LDAF1: variants seen among roughly 807,000 people sequenced by gnomAD.
The protein encoded by LDAF1 is lipid droplet assembly factor 1.
In LDAF1, 7 loss-of-function variants were observed where a neutral mutation model predicts 13.5. The ratio of observed to expected loss-of-function variants is 0.52; its 90% CI spans 0.29 to 0.97. The LOEUF is 0.97. LDAF1 is among the 50% of genes least tolerant of loss of function. The pLI is 0.07. For missense variants in LDAF1, 148 were observed against 193.2 expected, an observed-to-expected ratio of 0.77 and a Z score of 1.39; for synonymous variants, 69 against 77.1, an observed-to-expected ratio of 0.89 and a Z score of 0.55.
chr16:21,170,167 T>C, intron 2 of LDAF1: 1 of 268,922 alleles, frequency 3.7e-6, no homozygotes, highest in Non-Finnish European at 5.7e-6. Context: ...CGTGCCTGGC[T>C]AATTTTGTAT....
At chr16:21,173,918 A>G in intron 3 of LDAF1, 92 bp from the exon 4 acceptor site, 1 of 1,251,590 alleles carries the variant, frequency 8.0e-7, no homozygotes, top group East Asian at 2.6e-5. Context: ...AATCTGAGTT[A>G]GCGGTTGTTA....
intron 2 of LDAF1, among the ~76,000 whole-genome samples, chr16:21,161,506 G>C (rs558330577): frequency 1.3e-5 from 2 of 152,308 alleles, no homozygotes; most frequent in South Asian, 2.1e-4. Flanking sequence ...ATTTGAGGAG[G>C]GGGGAAGAGA....
intron 4 of LDAF1, 89 bp downstream of exon 4, chr16:21,174,237 T>G (rs1358272690): frequency 8.1e-7 from 1 of 1,237,598 alleles, no homozygotes. Context: ...TCACTCAGGC[T>G]GGAGTGCAGT....
At chr16:21,173,845 C>T (rs2152848885) in intron 3 of LDAF1, among the ~76,000 whole-genome samples, 165 bp from the exon 4 acceptor site, 1 of 152,248 alleles carries the variant, frequency 6.6e-6, no homozygotes, top group East Asian at 1.9e-4. Flanking sequence ...GTACCCATAT[C>T]GCCTCCTTTT....
intron 4 of LDAF1, 128 bp from the exon 5 acceptor site, chr16:21,179,347 G>A: frequency 6.4e-7 from 1 of 1,568,610 alleles, no homozygotes; most frequent in Non-Finnish European, 8.6e-7. Flanking sequence ...ATGGACATAG[G>A]CCTGGTGTGG....
chr16:21,171,215 C>T (rs2093085376), intron 3 of LDAF1, among the ~76,000 whole-genome samples: 2 of 152,188 alleles, frequency 1.3e-5, no homozygotes, highest in Admixed American at 1.3e-4. Context: ...TCAACTTCTC[C>T]CTGTATTCCT....
At chr16:21,172,735 T>G (rs1301809945) in intron 3 of LDAF1, 4 of 551,302 alleles carry the variant, frequency 7.3e-6, no homozygotes, top group Non-Finnish European at 6.9e-6. Flanking sequence ...TTTCACGAGC[T>G]TCCTTGATGC....
chr16:21,168,350 G>A lies in LDAF1; in HGVS notation c.97-2087G>A, dbSNP rs539125529. Among the ~76,000 whole-genome samples the A allele has an allele frequency of 3.1e-3, 469 of 152,058 alleles. 3 individuals are homozygous for A. Among genetic ancestry groups the A allele is most frequent in the Non-Finnish European group, 4.4e-3 (300 of 67,978 alleles). ...TTTAATGCTGAGATTTTGCCACTTG[G>A]AGGCTGTGCGACTCTAGACAAGTGA... is the stretch of plus-strand genomic sequence containing the variant. On this transcript the variant is annotated intron_variant, in intron 2 of 4. Coordinates refer to ENST00000233047, the MANE Select transcript of LDAF1 (RefSeq NM_001301771.2).
chr16:21,167,121 G>A (rs1328116064), intron 2 of LDAF1, among the ~76,000 whole-genome samples: 1 of 152,198 alleles, frequency 6.6e-6, no homozygotes, highest in East Asian at 1.9e-4. Flanking sequence ...TGGCTTCTTG[G>A]CATGGCCTCT....
At chr16:21,178,719 C>T (rs1250755001) in intron 4 of LDAF1, 1 of 152,240 alleles carries the variant, frequency 6.6e-6, no homozygotes, top group African/African-American at 2.4e-5. Flanking sequence ...CCCAGGACCT[C>T]TCACCACTAT....
chr16:21,163,353 A>G (rs538408736), intron 2 of LDAF1, among the ~76,000 whole-genome samples: 2 of 152,150 alleles, frequency 1.3e-5, no homozygotes, highest in South Asian at 4.2e-4. Flanking sequence ...AATGACCTCA[A>G]AAGCACTGCA....
intron 2 of LDAF1, among the ~76,000 whole-genome samples, chr16:21,165,184 G>A (rs2280765): frequency 0.45 from 68,850 of 152,046 alleles, 15,897 homozygotes; most frequent in East Asian, 0.69. Flanking sequence ...AGAATGGCGG[G>A]GCATGGTGGC....
chr16:21,173,856 T>C (rs970528565), intron 3 of LDAF1, among the ~76,000 whole-genome samples, 154 bp from the exon 4 acceptor site: 3 of 152,206 alleles, frequency 2.0e-5, no homozygotes, highest in African/African-American at 7.2e-5. Flanking sequence ...GCCTCCTTTT[T>C]TTAAGTGATG....
At chr16:21,165,920 C>T (rs1264494171) in intron 2 of LDAF1, among the ~76,000 whole-genome samples, 1 of 152,076 alleles carries the variant, frequency 6.6e-6, no homozygotes, top group Non-Finnish European at 1.5e-5. Context: ...AGTACAGTGG[C>T]GTGATCTCGG....
chr16:21,160,977 G>A, intron 1 of LDAF1, 108 bp from the exon 2 acceptor site: 1 of 1,317,674 alleles, frequency 7.6e-7, no homozygotes, highest in Non-Finnish European at 9.7e-7. Context: ...AATATTGCCA[G>A]GTTACCCTCC....
chr16:21,170,483 A>T lies in LDAF1; in HGVS notation c.143A>T (p.His48Leu), dbSNP rs777720060. 6.2e-7 allele frequency: 1 copy of T among 1,613,962 alleles called. No individual in the cohort carries two copies. The highest frequency in any genetic ancestry group is 1.3e-5 in the African/African-American group (1 of 74,856). Residue 48 changes from histidine to leucine, a missense_variant, in exon 3 of 5, where the codon CAT (histidine) becomes CTT (leucine). Physicochemically the swap from His to Leu is moderately conservative, Grantham distance 99 (BLOSUM62 -3). Coordinates refer to ENST00000233047, the MANE Select transcript of LDAF1 (RefSeq NM_001301771.2). The stretch of plus-strand genomic sequence containing the variant: ...CCAGTGGGTCAGTACTTGGACAGCC[A>T]TCCGTTTCTGGCCTTCACCTTGCTG... ...KSPVGQYLDS[H>L]PFLAFTLLVF...
At chr16:21,163,953 C>T (rs72780901) in intron 2 of LDAF1, among the ~76,000 whole-genome samples, 1 of 152,076 alleles carries the variant, frequency 6.6e-6, no homozygotes, top group Non-Finnish European at 1.5e-5. Context: ...CCACCCACTT[C>T]GGCCTCCCAA....
chr16:21,159,240 C>T, intron 1 of LDAF1: 2 of 1,238,670 alleles, frequency 1.6e-6, no homozygotes, highest in Non-Finnish European at 2.4e-6. Context: ...TCTTTACCCC[C>T]AAATTAATAA....
chr16:21,166,250 G>A (rs1482274997), intron 2 of LDAF1, among the ~76,000 whole-genome samples: 2 of 152,080 alleles, frequency 1.3e-5, no homozygotes, highest in Non-Finnish European at 2.9e-5. Context: ...AAGTATTAAT[G>A]AGATATTTTG....
Sources: gnomAD v4.1 joint callset for allele counts (sites outside exome capture counted in the v4.1 genomes callset) on GRCh38, gnomAD v4.1.1 for gene constraint, MANE v1.5 for transcripts, NCBI Gene and HGNC (gene_info 2026-07-23, HGNC 2026-07-21) for gene names.